The following TMTC3 variants were observed in gnomAD, a reference collection of about 807,000 sequenced individuals.
TMTC3 encodes the protein transmembrane O-mannosyltransferase targeting cadherins 3.
TMTC3 carries 52 observed loss-of-function variants against 92.2 expected under a neutral mutation model. That is an observed-to-expected ratio of 0.56 (90% confidence interval 0.45 to 0.71). The LOEUF is 0.71. Ranked by LOEUF, TMTC3 falls within the 30% of genes least tolerant of loss-of-function variation. The probability of loss-of-function intolerance (pLI) is 0.00; values close to 1 mark genes in which losing one functional copy is unlikely to be tolerated. For missense variants in TMTC3, 896 were observed against 1,057.1 expected (o/e 0.85, Z 2.11); for synonymous variants, 339 against 363.3 (o/e 0.93, Z 0.76).
intron 1 of TMTC3, among the ~76,000 whole-genome samples, chr12:88,144,791 T>C (rs2040852509): frequency 6.6e-6 from 1 of 152,230 alleles, no homozygotes; most frequent in Admixed American, 6.5e-5. Flanking sequence ...TTATGCATTG[T>C]CGTCTGTACC....
chr12:88,145,152 T>C (rs1453246989), intron 1 of TMTC3, among the ~76,000 whole-genome samples: 1 of 152,194 alleles, frequency 6.6e-6, no homozygotes, highest in Non-Finnish European at 1.5e-5. Flanking sequence ...AGAAAAGTCA[T>C]AGTAGCTTAC....
rs771461068 is a variant in TMTC3, at chr12:88,160,799, CTTG to C, written c.750_752del (p.Val251del). 2.6e-5 allele frequency: 42 copies of C among 1,613,172 alleles called. No homozygotes were observed. The highest frequency in any genetic ancestry group is 3.2e-5 in the Non-Finnish European group (38 of 1,179,630). On this transcript the variant is annotated inframe_deletion, in exon 6 of 14. Coordinates refer to ENST00000266712, the MANE Select transcript of TMTC3 (RefSeq NM_181783.4). The stretch of plus-strand genomic sequence containing the variant: ...TGTCTTGATGTTCAGTACATTATTA[CTTG>C]TTGTGATTAGAGTCCAGGTTATTCA...
Position 88,195,349 on chromosome 12 carries a change from G to A in TMTC3, c.2445G>A (p.Arg815=). ...TTCAGCGCCATTTGAATATAGTCAGGGATAAGATTTCCTCATCTAGTTTTA... is the reference window on the plus strand; with the variant it reads ...TTCAGCGCCATTTGAATATAGTCAGAGATAAGATTTCCTCATCTAGTTTTA... ...EYIQRHLNIV[R]DKISSSSFIE... Residue 815 remains arginine (R), a synonymous_variant, in exon 14 of 14, where the codon AGG becomes AGA. Coordinates refer to ENST00000266712, the MANE Select transcript of TMTC3 (RefSeq NM_181783.4). 3 of 1,613,832 alleles carry A rather than the reference G, an allele frequency of 1.9e-6. No individual in the cohort carries two copies. The highest frequency in any genetic ancestry group is 2.5e-6 in the Non-Finnish European group (3 of 1,179,880).
chr12:88,148,368 C>T lies in TMTC3; in HGVS notation c.53C>T (p.Ala18Val). ...ACCTTAATAGTAGGTGTGGTTACTG[C>T]CTGCTATTGGAACAGCCTCTTTTGT... ...EITLIVGVVTACYWNSLFCGF... is the reference protein window; with the variant it reads ...EITLIVGVVTVCYWNSLFCGF... The change falls in exon 2 of 14, where the codon GCC (alanine) becomes GTC (valine). Residue 18 changes from alanine (A) to valine (V), a missense_variant. By Grantham distance (64) the Ala-to-Val change is moderately conservative (BLOSUM62 0). Coordinates refer to ENST00000266712, the MANE Select transcript of TMTC3 (RefSeq NM_181783.4). 1 of 1,613,394 alleles carries T rather than the reference C, an allele frequency of 6.2e-7. No homozygotes were observed. The highest frequency in any genetic ancestry group is 8.5e-7 in the Non-Finnish European group (1 of 1,179,646).
Position 88,160,661 on chromosome 12 carries a change from A to T in TMTC3, c.625-18A>T. On this transcript the variant is annotated intron_variant, in intron 5 of 13. Transcript: ENST00000266712. The stretch of plus-strand genomic sequence containing the variant: ...TATGTCGTTATTTGTTGCTTAAAAC[A>T]TTTCTTTTCTTTTTCAGTATACTTT... 1 of 1,609,864 alleles carries T rather than the reference A, an allele frequency of 6.2e-7. No individual in the cohort carries two copies. Among genetic ancestry groups the T allele is most frequent in the Non-Finnish European group, 8.5e-7 (1 of 1,178,090 alleles).
At chr12:88,190,015 C>T (rs1297045295) in intron 11 of TMTC3, among the ~76,000 whole-genome samples, 1 of 152,002 alleles carries the variant, frequency 6.6e-6, no homozygotes, top group Non-Finnish European at 1.5e-5. Context: ...GAGAAAACTT[C>T]AGCCCAGCTT....
At chr12:88,191,983 A>G (rs1235049217) in intron 12 of TMTC3, among the ~76,000 whole-genome samples, 7 of 149,520 alleles carry the variant, frequency 4.7e-5, no homozygotes, top group Non-Finnish European at 1.0e-4. Flanking sequence ...TGCTGGGATT[A>G]CAGGAACGAG....
chr12:88,158,332 G>C (rs1404659883), intron 4 of TMTC3, among the ~76,000 whole-genome samples: 2 of 151,796 alleles, frequency 1.3e-5, no homozygotes, highest in African/African-American at 2.4e-5. Context: ...TTTTTCCATG[G>C]CTTCTATATC....
At chr12:88,164,921 G>A (rs2471522) in intron 6 of TMTC3, among the ~76,000 whole-genome samples, 134,056 of 152,106 alleles carry the variant, frequency 0.88, 59,969 homozygotes, top group East Asian at 0.99. Context: ...GAGTCTAGCC[G>A]TGCTAAAATG....
chr12:88,192,014 C>CTTTTTTTTTTTTT (rs375857927), intron 12 of TMTC3, among the ~76,000 whole-genome samples: 1 of 112,260 alleles, frequency 8.9e-6, no homozygotes, highest in African/African-American at 4.5e-5. Context: ...CAGCATTTTT[C>CTTTTTTTTTTTTT]TTTTTTTTTT....
intron 11 of TMTC3, among the ~76,000 whole-genome samples, 188 bp from the exon 12 acceptor site, chr12:88,190,264 AC>A (rs1284864288): frequency 6.6e-6 from 1 of 152,318 alleles, no homozygotes; most frequent in East Asian, 1.9e-4. Flanking sequence ...CTGAAGTCAA[AC>A]AAATCAGAAC....
At chr12:88,186,809 GC>G (rs2041382683) in intron 10 of TMTC3, among the ~76,000 whole-genome samples, 1 of 151,996 alleles carries the variant, frequency 6.6e-6, no homozygotes, top group Non-Finnish European at 1.5e-5. Flanking sequence ...CCTTTTTGAT[GC>G]TAAACAATAT....
chr12:88,186,419 T>G (rs548982970), intron 10 of TMTC3, among the ~76,000 whole-genome samples: 2 of 152,120 alleles, frequency 1.3e-5, no homozygotes, highest in African/African-American at 2.4e-5. Context: ...TGAGGAGAGA[T>G]AAGAAATGAA....
chr12:88,166,417 A>G lies in TMTC3; in HGVS notation c.885A>G (p.Leu295=), dbSNP rs1195224047. 6.2e-7 allele frequency: 1 copy of G among 1,613,998 alleles called. No individual in the cohort carries two copies. The highest frequency in any genetic ancestry group is 1.1e-5 in the South Asian group (1 of 91,084). ...YLLPVNAWLL[L]NPSELCCDWT... is the part of the protein sequence containing the mutation. ...TTCCTGTGAATGCTTGGTTGTTATT[A>G]AATCCTTCAGAGCTCTGCTGTGATT... The change falls in exon 7 of 14, where the codon TTA becomes TTG. Residue 295 remains leucine, a synonymous_variant. Coordinates refer to ENST00000266712, the MANE Select transcript of TMTC3 (RefSeq NM_181783.4).
rs940933930 is a variant in TMTC3, at chr12:88,196,709, T to A, written c.*1060T>A. ...GTATATCTTTTTATTAAATATTTAT[T>A]TTGACTAAGCTTTCATAAAATATTT... On this transcript the variant is annotated 3_prime_UTR_variant, in exon 14 of 14. Coordinates refer to ENST00000266712, the MANE Select transcript of TMTC3 (RefSeq NM_181783.4). 8 of 151,904 alleles carry A rather than the reference T, an allele frequency of 5.3e-5. No individual in the cohort carries two copies. The highest frequency in any genetic ancestry group is 8.8e-5 in the Non-Finnish European group (6 of 67,826). The allele number at this position is 151,904 out of a possible 1,614,324, so 9.4% of individuals were successfully genotyped here. A position where few individuals can be genotyped will look rare whatever the true frequency, so the allele number is the denominator to read the frequency against.
chr12:88,182,239 G>A (rs1220694597), intron 10 of TMTC3, among the ~76,000 whole-genome samples: 1 of 152,184 alleles, frequency 6.6e-6, no homozygotes, highest in East Asian at 1.9e-4. Context: ...TAATCCTGTT[G>A]GGGAATGTTT....
At chr12:88,153,639 C>T (rs1311111381) in intron 3 of TMTC3, 130 bp downstream of exon 3, 1 of 532,114 alleles carries the variant, frequency 1.9e-6, no homozygotes, top group Non-Finnish European at 3.2e-6. Flanking sequence ...TTTGAAGACT[C>T]TTAAATTCGT....
chr12:88,153,581 A>T, intron 3 of TMTC3, 72 bp downstream of exon 3: 1 of 801,504 alleles, frequency 1.2e-6, no homozygotes, highest in Non-Finnish European at 1.9e-6. Flanking sequence ...TTATAATGGT[A>T]TATATTTTTA....
chr12:88,144,024 A>G (rs1339195032), intron 1 of TMTC3, among the ~76,000 whole-genome samples: 1 of 152,196 alleles, frequency 6.6e-6, no homozygotes, highest in African/African-American at 2.4e-5. Flanking sequence ...ATGCTAATGC[A>G]TTATAATTAG....
Sources: allele counts gnomAD v4.1 joint callset (sites outside exome capture counted in the v4.1 genomes callset), GRCh38; gene constraint gnomAD v4.1.1; transcripts MANE v1.5; gene names NCBI Gene and HGNC (gene_info 2026-07-23, HGNC 2026-07-21).